Variants in GRIN2A observed in about 807,000 individuals in gnomAD.
The protein encoded by GRIN2A is glutamate ionotropic receptor NMDA type subunit 2A, also known as glutamate receptor ionotropic, NMDA 2A.
A neutral mutation model predicts 113.4 loss-of-function variants in GRIN2A; 22 were observed. That is an observed-to-expected ratio of 0.19 (90% CI 0.14 to 0.28). The LOEUF (loss-of-function observed/expected upper bound fraction) is 0.28, where lower values mean the gene tolerates loss of function less well. Ranked by LOEUF, GRIN2A falls within the 10% of genes least tolerant of loss-of-function variation. GRIN2A has a pLI of 1.00. For missense variants in GRIN2A, 1,502 were observed against 1,887.0 expected, an observed-to-expected ratio of 0.80 and a Z score of 3.78; for synonymous variants, 827 against 738.4, an observed-to-expected ratio of 1.12 and a Z score of -1.94.
chr16:9,872,455 T>C (rs1296433456), intron 4 of GRIN2A, among the ~76,000 whole-genome samples: 2 of 152,360 alleles, frequency 1.3e-5, no homozygotes, highest in East Asian at 3.9e-4. Flanking sequence ...TCTGTGTTTC[T>C]AGCTTTTGTC....
intron 2 of GRIN2A, among the ~76,000 whole-genome samples, chr16:10,026,667 A>C (rs543712836): frequency 6.6e-6 from 1 of 152,298 alleles, no homozygotes; most frequent in South Asian, 2.1e-4. Flanking sequence ...CAAGGAAAGA[A>C]GACCACCACC....
chr16:9,987,162 T>C (rs573343990), intron 2 of GRIN2A, among the ~76,000 whole-genome samples: 31 of 152,330 alleles, frequency 2.0e-4, no homozygotes, highest in African/African-American at 7.5e-4. Context: ...TTGCAGAGCA[T>C]GTCTGGTCCC....
chr16:10,066,559 T>A (rs2047653017), intron 2 of GRIN2A, among the ~76,000 whole-genome samples: 1 of 152,236 alleles, frequency 6.6e-6, no homozygotes, highest in South Asian at 2.1e-4. Context: ...GAGTAAGACC[T>A]CACTCACAAT....
intron 9 of GRIN2A, among the ~76,000 whole-genome samples, chr16:9,825,188 C>A (rs2042363459): frequency 6.6e-6 from 1 of 152,208 alleles, no homozygotes; most frequent in African/African-American, 2.4e-5. Flanking sequence ...AGGTTCTCAT[C>A]TGCTGCTTAG....
At chr16:10,032,470 A>C (rs1264039779) in intron 2 of GRIN2A, among the ~76,000 whole-genome samples, 2 of 152,150 alleles carry the variant, frequency 1.3e-5, no homozygotes, top group Non-Finnish European at 2.9e-5. Flanking sequence ...CGCCTTTTGC[A>C]TTATGAAAAG....
chr16:9,919,735 A>G (rs952191755), intron 3 of GRIN2A, among the ~76,000 whole-genome samples: 1 of 152,214 alleles, frequency 6.6e-6, no homozygotes, highest in Non-Finnish European at 1.5e-5. Context: ...CCAAACTCTC[A>G]TCGTGGTCTC....
chr16:10,102,107 A>G (rs1268279269), intron 2 of GRIN2A, among the ~76,000 whole-genome samples: 15 of 152,184 alleles, frequency 9.9e-5, no homozygotes, highest in Admixed American at 9.8e-4. Context: ...TTCACCAACT[A>G]TTTCAATAAG....
intron 2 of GRIN2A, among the ~76,000 whole-genome samples, chr16:10,144,880 CACTGT>C (rs1193277985): frequency 7.9e-6 from 1 of 126,322 alleles, no homozygotes; most frequent in African/African-American, 3.0e-5. Flanking sequence ...GAGATCGTGC[CACTGT>C]ACTCCAGCCT....
At chr16:10,120,798 AT>A (rs2048818037) in intron 2 of GRIN2A, among the ~76,000 whole-genome samples, 1 of 152,222 alleles carries the variant, frequency 6.6e-6, no homozygotes, top group Admixed American at 6.5e-5. Context: ...GTAAGGACAC[AT>A]GCAGATTGCT....
chr16:9,982,281 C>T (rs1372954565), intron 2 of GRIN2A, among the ~76,000 whole-genome samples: 1 of 152,138 alleles, frequency 6.6e-6, no homozygotes, highest in Non-Finnish European at 1.5e-5. Context: ...CTTATTTTGC[C>T]AGGAATACTT....
intron 2 of GRIN2A, among the ~76,000 whole-genome samples, chr16:10,161,755 A>T (rs1193522839): frequency 2.0e-5 from 3 of 152,136 alleles, no homozygotes; most frequent in African/African-American, 7.2e-5. Flanking sequence ...GAGGCCCTAG[A>T]GGAGGACCTA....
intron 2 of GRIN2A, among the ~76,000 whole-genome samples, chr16:10,007,940 A>G (rs756949247): frequency 9.9e-5 from 15 of 152,212 alleles, no homozygotes; most frequent in Non-Finnish European, 1.9e-4. Flanking sequence ...CTGACAAGTC[A>G]TTCTACCTCT....
At chr16:9,848,459 GC>G (rs1443568116) in intron 5 of GRIN2A, among the ~76,000 whole-genome samples, 2 of 150,854 alleles carry the variant, frequency 1.3e-5, no homozygotes, top group East Asian at 3.9e-4. Context: ...CAAGTAATCT[GC>G]CCAGCTTGGC....
chr16:10,053,260 A>T lies in GRIN2A; in HGVS notation c.415-114709T>A, dbSNP rs547020547. On this transcript the variant is annotated intron_variant, in intron 2 of 12. Coordinates refer to ENST00000330684, the MANE Select transcript of GRIN2A (RefSeq NM_001134407.3). ...GAAGATTTCTGTAGTTGACTAGCAG[A>T]GGATCCTATGGAAAAGGTGGTTTGA... Among the ~76,000 whole-genome samples the T allele has an allele frequency of 9.2e-5, 14 of 152,354 alleles. No individual in the cohort carries two copies. In the East Asian group the frequency reaches 2.5e-3, roughly 27 times the overall value.
intron 2 of GRIN2A, among the ~76,000 whole-genome samples, chr16:10,076,713 G>A (rs1012713691): frequency 1.3e-5 from 2 of 152,164 alleles, no homozygotes; most frequent in East Asian, 3.9e-4. Context: ...AACAAATGCA[G>A]AAAGTAAATA....
intron 2 of GRIN2A, among the ~76,000 whole-genome samples, chr16:10,167,232 C>T (rs1025011411): frequency 6.6e-6 from 1 of 152,126 alleles, no homozygotes; most frequent in African/African-American, 2.4e-5. Context: ...TGTTTATGAA[C>T]ACGCACTCCT....
intron 2 of GRIN2A, among the ~76,000 whole-genome samples, chr16:9,992,151 T>C (rs1038030828): frequency 6.6e-6 from 1 of 152,190 alleles, no homozygotes; most frequent in Non-Finnish European, 1.5e-5. Flanking sequence ...TATGGCTCAG[T>C]AGTATTCCAT....
intron 2 of GRIN2A, among the ~76,000 whole-genome samples, chr16:10,114,310 G>T (rs1482943222): frequency 1.3e-5 from 2 of 152,204 alleles, no homozygotes; most frequent in African/African-American, 4.8e-5. Flanking sequence ...CCACAGGGGA[G>T]CCTGCTTGGA....
intron 2 of GRIN2A, among the ~76,000 whole-genome samples, chr16:9,957,879 G>A (rs923366003): frequency 5.9e-5 from 9 of 152,164 alleles, no homozygotes; most frequent in African/African-American, 1.7e-4. Flanking sequence ...TTTCAGCAGG[G>A]TTTTCACATT....
Sources: gnomAD v4.1 joint callset for allele counts (sites outside exome capture counted in the v4.1 genomes callset) on GRCh38, gnomAD v4.1.1 for gene constraint, MANE v1.5 for transcripts, NCBI Gene and HGNC (gene_info 2026-07-23, HGNC 2026-07-21) for gene names.